The following FRK variants were observed in gnomAD, a reference collection of about 807,000 sequenced individuals.
FRK encodes the protein tyrosine-protein kinase FRK.
FRK carries 51 observed loss-of-function variants against 56.4 expected under a neutral mutation model. That is an observed-to-expected ratio of 0.90 (90% CI 0.72 to 1.14). The LOEUF is 1.14. Among genes scored for constraint, FRK ranks in the 50% most tolerant of loss-of-function variants. FRK has a pLI of 0.00. For synonymous variants in FRK, 245 were observed against 217.9 expected (o/e 1.12, Z -1.10); for missense variants, 570 against 601.4 (o/e 0.95, Z 0.55).
rs1033947295 is a variant in FRK, at chr6:115,935,746, G to GTAGA, written c.*6664_*6667dup. The GTAGA allele has an allele frequency of 7.2e-5, 11 of 152,236 alleles. No homozygotes were observed. Among genetic ancestry groups the GTAGA allele is most frequent in the African/African-American group, 2.7e-4 (11 of 41,444 alleles). 9.4% of individuals were successfully genotyped at this position (152,236 alleles called of 1,614,324 possible). On this transcript the variant is annotated 3_prime_UTR_variant, in exon 8 of 8. Transcript: ENST00000606080. ...AAAGCTGCCTGGGAGTTCGAATTGG[G>GTAGA]TAGAGCCCACCACCTCAGCTCAGCA...
At chr6:115,990,549 A>G (rs576431200) in intron 2 of FRK, among the ~76,000 whole-genome samples, 68 of 151,556 alleles carry the variant, frequency 4.5e-4, no homozygotes, top group Non-Finnish European at 1.3e-4. Context: ...TTATTGTTGA[A>G]TTTGTCAACT....
chr6:115,943,085 G>A lies in FRK; in HGVS notation c.1241C>T (p.Ser414Phe), dbSNP rs763853996. The A allele has an allele frequency of 1.9e-6, 3 of 1,613,430 alleles. No individual in the cohort carries two copies. The highest frequency in any genetic ancestry group is 2.5e-6 in the Non-Finnish European group (3 of 1,179,682). The change falls in exon 7 of 8, where the codon TCC (serine) becomes TTC (phenylalanine). Residue 414 changes from serine (S) to phenylalanine (F), a missense_variant. Transcript: ENST00000606080. Reference sequence around the variant, plus strand: ...AAGGATTCCAAATGACCATACATCGGACTTAATGCTGAATTTATTACTACG... The same window carrying A: ...AAGGATTCCAAATGACCATACATCGAACTTAATGCTGAATTTATTACTACG... ...AIRSNKFSIKSDVWSFGILLY... is the reference protein window; with the variant it reads ...AIRSNKFSIKFDVWSFGILLY...
At chr6:116,076,713 A>C in the FRK span, among the ~76,000 whole-genome samples, 1 of 152,140 alleles carries the variant, frequency 6.6e-6, no homozygotes, top group Non-Finnish European at 1.5e-5. Context: ...TTTTTCTTTG[A>C]CTAAGGTGGT....
intron 1 of FRK, among the ~76,000 whole-genome samples, chr6:116,031,491 G>C (rs1776303107): frequency 6.6e-6 from 1 of 152,140 alleles, no homozygotes; most frequent in African/African-American, 2.4e-5. Flanking sequence ...AATGCAGGAA[G>C]TTAGATTTAA....
intron 1 of FRK, among the ~76,000 whole-genome samples, chr6:116,023,817 T>C (rs528812684): frequency 7.2e-5 from 11 of 152,276 alleles, no homozygotes; most frequent in Non-Finnish European, 1.3e-4. Flanking sequence ...TGTTATTTGA[T>C]ATACATTTAT....
intron 1 of FRK, among the ~76,000 whole-genome samples, chr6:116,007,563 A>T (rs1333797073): frequency 1.3e-5 from 2 of 152,228 alleles, no homozygotes; most frequent in African/African-American, 4.8e-5. Context: ...GATAAAGAAC[A>T]CCATGTATTT....
the FRK span, among the ~76,000 whole-genome samples, chr6:116,066,970 C>T: frequency 6.6e-6 from 1 of 152,176 alleles, no homozygotes; most frequent in Non-Finnish European, 1.5e-5. Flanking sequence ...AATCCTAACC[C>T]TCAGCACTTC....
the FRK span, among the ~76,000 whole-genome samples, chr6:116,088,817 AT>A: frequency 7.9e-5 from 12 of 152,244 alleles, no homozygotes; most frequent in African/African-American, 2.9e-4. Flanking sequence ...CAGTTAAGTC[AT>A]GAAAGTAAAC....
rs1019942862 is a variant in FRK, at chr6:116,003,211, C to T, written c.466+666G>A. ...AGAACGGGACAAGAAGAGAGAAAGC[C>T]TCATATTTAGAGATGACTTAGTGTA... is the stretch of plus-strand genomic sequence containing the variant. On this transcript the variant is annotated intron_variant, in intron 2 of 7. Transcript: ENST00000606080. Among the ~76,000 whole-genome samples the T allele has an allele frequency of 6.6e-5, 10 of 152,066 alleles. No homozygotes were observed. In the South Asian group the frequency reaches 1.0e-3, roughly 16 times the overall value.
chr6:115,985,775 A>G (rs1258885122), intron 2 of FRK, among the ~76,000 whole-genome samples: 2 of 151,876 alleles, frequency 1.3e-5, no homozygotes, highest in East Asian at 1.9e-4. Flanking sequence ...TGCTACAACT[A>G]TTTTATAGAT....
the FRK span, among the ~76,000 whole-genome samples, chr6:116,089,610 TTTTC>T: frequency 4.6e-5 from 7 of 152,172 alleles, no homozygotes; most frequent in African/African-American, 7.2e-5. Flanking sequence ...TTCACATGAC[TTTTC>T]TTTCTCACTG....
chr6:116,022,702 C>T (rs1026266126), intron 1 of FRK, among the ~76,000 whole-genome samples: 1 of 152,154 alleles, frequency 6.6e-6, no homozygotes, highest in Non-Finnish European at 1.5e-5. Flanking sequence ...CACCTAACAT[C>T]ATACTCAATG....
chr6:116,048,742 T>C (rs572829299), intron 1 of FRK, among the ~76,000 whole-genome samples: 64 of 152,290 alleles, frequency 4.2e-4, no homozygotes, highest in South Asian at 1.0e-3. Context: ...CTACATCTAA[T>C]TTGTAGTTTT....
At chr6:116,002,824 C>T in intron 2 of FRK, 1 of 412,116 alleles carries the variant, frequency 2.4e-6, no homozygotes, top group Non-Finnish European at 5.0e-6. Flanking sequence ...CCTTGCTTCT[C>T]TCCAGCTCCA....
chr6:116,067,699 T>C, the FRK span, among the ~76,000 whole-genome samples: 1 of 152,220 alleles, frequency 6.6e-6, no homozygotes, highest in Non-Finnish European at 1.5e-5. Flanking sequence ...TTGGGGCCAC[T>C]TATACTAATT....
At chr6:116,096,743 T>A in the FRK span, among the ~76,000 whole-genome samples, 202 of 152,286 alleles carry the variant, frequency 1.3e-3, 1 homozygote, top group African/African-American at 4.7e-3. Context: ...GAATAAAAGC[T>A]GTCCACTCCA....
At chr6:116,081,955 A>G in the FRK span, among the ~76,000 whole-genome samples, 5 of 152,174 alleles carry the variant, frequency 3.3e-5, no homozygotes, top group African/African-American at 9.7e-5. Flanking sequence ...AATCAATAAC[A>G]TGCTCTATTA....
intron 1 of FRK, among the ~76,000 whole-genome samples, chr6:116,043,568 T>C (rs149251510): frequency 0.024 from 3,579 of 152,018 alleles, 144 homozygotes; most frequent in African/African-American, 0.082. Flanking sequence ...TACCAGAATC[T>C]CTGGGACACA....
intron 1 of FRK, among the ~76,000 whole-genome samples, chr6:116,032,829 G>T (rs569367648): frequency 6.6e-5 from 10 of 151,908 alleles, no homozygotes; most frequent in African/African-American, 2.4e-4. Context: ...TTTGGGGTGT[G>T]TATATATTGC....
Sources: allele counts gnomAD v4.1 joint callset (sites outside exome capture counted in the v4.1 genomes callset), GRCh38; gene constraint gnomAD v4.1.1; transcripts MANE v1.5; gene names NCBI Gene and HGNC (gene_info 2026-07-23, HGNC 2026-07-21).